The following AK7 variants were observed in gnomAD, a reference collection of about 807,000 sequenced individuals.
AK7 encodes ATP-AMP transphosphorylase 7.
In AK7, 78 loss-of-function variants were observed where a neutral mutation model predicts 96.6. That is an observed-to-expected ratio of 0.81 (90% CI 0.67 to 0.97). The LOEUF (loss-of-function observed/expected upper bound fraction) is 0.97. Ranked by LOEUF, AK7 falls within the 50% of genes least tolerant of loss-of-function variation. The probability of loss-of-function intolerance (pLI) is 0.00; values close to 1 mark genes in which losing one functional copy is unlikely to be tolerated. For missense variants in AK7, 855 were observed against 887.9 expected (o/e 0.96, Z 0.47); for synonymous variants, 302 against 317.2 (o/e 0.95, Z 0.51).
rs572671162 is a variant in AK7, at chr14:96,469,593, G to C, written c.1358-1885G>C. ...AGAATATTAGTGAATCCCTTGACAC[G>C]TTTTTATTTGGCTTCATTTCTTGGC... On this transcript the variant is annotated intron_variant, in intron 12 of 17. Coordinates refer to ENST00000267584, the MANE Select transcript of AK7 (RefSeq NM_152327.5). Among the ~76,000 whole-genome samples, 4 of 152,204 alleles carry C rather than the reference G, an allele frequency of 2.6e-5. No homozygotes were observed. The East Asian group carries it at 7.7e-4, about 29-fold the overall frequency.
rs148213715 is a variant in AK7 at position 96,472,807 on chromosome 14, C to T, written c.1555+52C>T. On this transcript the variant is annotated intron_variant, in intron 14 of 17. Transcript: ENST00000267584. ...TTAAAAGAATGTTCTCTGGGCTGGG[C>T]GTGGTGGCTCACGCCTGTAATCTCA... 1,923 of 1,494,152 alleles carry T rather than the reference C, an allele frequency of 1.3e-3. 20 individuals carry two copies. In the African/African-American group the frequency reaches 0.024, roughly 19 times the overall value. 92.6% of individuals were successfully genotyped at this position (1,494,152 alleles called of 1,614,324 possible). A position where few individuals can be genotyped will look rare whatever the true frequency, so the allele number is the denominator to read the frequency against.
rs1039184262 is a variant in AK7, at chr14:96,404,447, A to G, written c.295-310A>G. 5.3e-5 allele frequency among the ~76,000 whole-genome samples: 8 copies of G among 152,124 alleles called. 1 individual carries two copies. Among genetic ancestry groups the G allele is most frequent in the Admixed American group, 5.2e-4 (8 of 15,256 alleles). On this transcript the variant is annotated intron_variant, in intron 2 of 17. Transcript: ENST00000267584. The stretch of plus-strand genomic sequence containing the variant: ...TGAATTAGTTTTAAATGCCTCACTC[A>G]TTTTCTTTCAGTGTGTTCTAATTCT...
In AK7 at chr14:96,392,275, G is replaced by C. The variant is rs547983447; in HGVS notation, c.105+16G>C. 1 of 1,598,356 alleles carries C rather than the reference G, an allele frequency of 6.3e-7. No individual in the cohort carries two copies. The highest frequency in any genetic ancestry group is 1.3e-5 in the African/African-American group (1 of 74,536). On this transcript the variant is annotated intron_variant, in intron 1 of 17. Transcript: ENST00000267584. Reference sequence around the variant, plus strand: ...CATCGGGAAGGTGAGCGGCGGCGGCGGCCCAGAGCCTCACGCCAGCTCTCA... The same window carrying C: ...CATCGGGAAGGTGAGCGGCGGCGGCCGCCCAGAGCCTCACGCCAGCTCTCA...
intron 4 of AK7, among the ~76,000 whole-genome samples, chr14:96,414,807 G>A (rs1222881793): frequency 1.4e-5 from 2 of 143,638 alleles, no homozygotes; most frequent in South Asian, 2.2e-4. Context: ...GAGTGCAGTG[G>A]TGCAACCTGG....
At chr14:96,450,875 C>T (rs562669485) in intron 9 of AK7, among the ~76,000 whole-genome samples, 2 of 149,970 alleles carry the variant, frequency 1.3e-5, no homozygotes, top group Non-Finnish European at 3.0e-5. Context: ...CCCGGGTTCA[C>T]GCCATTCTCC....
intron 12 of AK7, among the ~76,000 whole-genome samples, chr14:96,467,935 GAAAA>G (rs1894661677): frequency 6.6e-6 from 1 of 151,876 alleles, no homozygotes. Flanking sequence ...CTTCTATAAA[GAAAA>G]AAGTCAGATA....
At chr14:96,404,324 T>G (rs1890586412) in intron 2 of AK7, among the ~76,000 whole-genome samples, 1 of 152,194 alleles carries the variant, frequency 6.6e-6, no homozygotes, top group Non-Finnish European at 1.5e-5. Flanking sequence ...ACAGATTAAA[T>G]CCATCTTGAG....
At chr14:96,463,238 G>A (rs541377745) in intron 12 of AK7, among the ~76,000 whole-genome samples, 6 of 152,098 alleles carry the variant, frequency 3.9e-5, no homozygotes, top group Non-Finnish European at 8.8e-5. Context: ...TTAACATTGC[G>A]TTCTTTTCTG....
chr14:96,421,046 C>T lies in AK7; in HGVS notation c.609+114C>T, dbSNP rs74086483. The T allele has an allele frequency of 0.022, 15,084 of 694,594 alleles. 1,747 individuals are homozygous for T. In the African/African-American group the frequency reaches 0.24, roughly 11 times the overall value. 43.0% of individuals were successfully genotyped at this position (694,594 alleles called of 1,614,324 possible). On this transcript the variant is annotated intron_variant, in intron 5 of 17. Coordinates refer to ENST00000267584, the MANE Select transcript of AK7 (RefSeq NM_152327.5). ...TGAGCTTTAGGCTCACCCCAGGATA[C>T]ACTGTCCTTAGGGGTCCTGGCCCAG...
intron 5 of AK7, among the ~76,000 whole-genome samples, chr14:96,434,375 T>A (rs1452682706): frequency 1.3e-5 from 2 of 152,218 alleles, no homozygotes; most frequent in Non-Finnish European, 2.9e-5. Flanking sequence ...CAGACTCTTG[T>A]TCTCTTCCCT....
chr14:96,428,278 A>G (rs1297697227), intron 5 of AK7, among the ~76,000 whole-genome samples: 1 of 151,612 alleles, frequency 6.6e-6, no homozygotes, highest in African/African-American at 2.4e-5. Flanking sequence ...CCATGTCCCT[A>G]CAAAGGACAT....
rs1236565661 is a variant in AK7, at chr14:96,489,390, A to T, written c.*1047A>T. 1.3e-5 allele frequency: 2 copies of T among 152,130 alleles called. No homozygotes were observed. The highest frequency in any genetic ancestry group is 2.9e-5 in the Non-Finnish European group (2 of 68,028). The allele number at this position is 152,130 out of a possible 1,614,324, so 9.4% of individuals were successfully genotyped here. A position where few individuals can be genotyped will look rare whatever the true frequency, so the allele number is the denominator to read the frequency against. On this transcript the variant is annotated 3_prime_UTR_variant, in exon 18 of 18. Transcript: ENST00000267584. ...ACGAATCTGCTTTCTGTCTCTATGG[A>T]TTTACCTATTATAAATAAAACCATA...
chr14:96,403,185 A>T (rs370362631), intron 2 of AK7, among the ~76,000 whole-genome samples: 1 of 152,102 alleles, frequency 6.6e-6, no homozygotes, highest in Non-Finnish European at 1.5e-5. Flanking sequence ...TTATCATCCA[A>T]TATGACCAGT....
intron 10 of AK7, among the ~76,000 whole-genome samples, chr14:96,454,790 C>T (rs1441543468): frequency 6.6e-6 from 1 of 151,994 alleles, no homozygotes; most frequent in Non-Finnish European, 1.5e-5. Flanking sequence ...CAGGGATCCT[C>T]CCACCTCAGC....
At chr14:96,472,799 G>A in intron 14 of AK7, 44 bp downstream of exon 14, 1 of 1,549,722 alleles carries the variant, frequency 6.5e-7, no homozygotes, top group Non-Finnish European at 8.9e-7. Flanking sequence ...AATGTTCTCT[G>A]GGCTGGGCGT....
At chr14:96,466,573 A>G (rs561568320) in intron 12 of AK7, among the ~76,000 whole-genome samples, 33 of 151,568 alleles carry the variant, frequency 2.2e-4, no homozygotes, top group Middle Eastern at 3.4e-3. Context: ...AGATCTCCCT[A>G]TGTTGCCTAG....
chr14:96,423,207 C>G (rs1301961895), intron 5 of AK7, among the ~76,000 whole-genome samples: 2 of 152,162 alleles, frequency 1.3e-5, no homozygotes, highest in African/African-American at 2.4e-5. Context: ...CTGAGAGGCC[C>G]GTGTTGGGGC....
intron 2 of AK7, among the ~76,000 whole-genome samples, chr14:96,402,054 T>C (rs1890439324): frequency 6.6e-6 from 1 of 152,128 alleles, no homozygotes; most frequent in African/African-American, 2.4e-5. Flanking sequence ...CTTATAATTT[T>C]TTCACCAAGC....
chr14:96,462,507 C>T (rs1053161486), intron 12 of AK7, among the ~76,000 whole-genome samples: 5 of 152,154 alleles, frequency 3.3e-5, no homozygotes, highest in African/African-American at 9.7e-5. Flanking sequence ...GAGGCCCCTC[C>T]ATGTCCTAAC....
Sources: gnomAD v4.1 joint callset for allele counts (sites outside exome capture counted in the v4.1 genomes callset) on GRCh38, gnomAD v4.1.1 for gene constraint, MANE v1.5 for transcripts, NCBI Gene and HGNC (gene_info 2026-07-23, HGNC 2026-07-21) for gene names.